CAPZA2: variants seen among roughly 807,000 people sequenced by gnomAD.
CAPZA2 encodes F-actin-capping protein subunit alpha-2.
A neutral mutation model predicts 44.0 loss-of-function variants in CAPZA2; 13 were observed. The observed-to-expected ratio is 0.30, with a 90% CI of 0.19 to 0.47. The LOEUF (loss-of-function observed/expected upper bound fraction) is 0.47, where lower values mean the gene tolerates loss of function less well. CAPZA2 is among the 20% of genes least tolerant of loss of function. CAPZA2 has a pLI of 1.00. For missense variants in CAPZA2, 244 were observed against 338.6 expected (o/e 0.72, Z 2.19); for synonymous variants, 94 against 108.2 (o/e 0.87, Z 0.81).
chr7:116,916,058 A>G lies in CAPZA2; in HGVS notation c.658-2A>G. ...TTTTTATTTTGTTTTTTTTTTTTTC[A>G]GAATGAAGTGCAAACAGCAAAAGAA... On this transcript the variant is annotated splice_acceptor_variant, in intron 8 of 9. Coordinates refer to ENST00000361183, the MANE Select transcript of CAPZA2 (RefSeq NM_006136.3). LOFTEE classifies it high-confidence loss of function. 1 of 1,450,766 alleles carries G rather than the reference A, an allele frequency of 6.9e-7. No individual in the cohort carries two copies. 89.9% of individuals were successfully genotyped at this position (1,450,766 alleles called of 1,614,324 possible). A position where few individuals can be genotyped will look rare whatever the true frequency, so the allele number is the denominator to read the frequency against.
intron 1 of CAPZA2, among the ~76,000 whole-genome samples, chr7:116,871,610 T>C (rs969695116): frequency 1.3e-5 from 2 of 152,278 alleles, no homozygotes; most frequent in Admixed American, 6.5e-5. Flanking sequence ...AAAGTATGTG[T>C]GTATTTTCCC....
At chr7:116,911,669 C>T (rs1455775368) in intron 7 of CAPZA2, among the ~76,000 whole-genome samples, 1 of 152,094 alleles carries the variant, frequency 6.6e-6, no homozygotes, top group African/African-American at 2.4e-5. Flanking sequence ...TTACAGCACT[C>T]ATTCAGTGTT....
At chr7:116,894,678 G>A (rs1796901607) in intron 3 of CAPZA2, among the ~76,000 whole-genome samples, 1 of 151,954 alleles carries the variant, frequency 6.6e-6, no homozygotes, top group Non-Finnish European at 1.5e-5. Context: ...ATACTTGAAA[G>A]CCCCAGGCAA....
intron 6 of CAPZA2, 104 bp from the exon 7 acceptor site, chr7:116,910,129 C>A: frequency 1.4e-6 from 1 of 727,010 alleles, no homozygotes; most frequent in Non-Finnish European, 2.5e-6. Context: ...CAGTATTCAT[C>A]CCCCACACTC....
intron 8 of CAPZA2, among the ~76,000 whole-genome samples, chr7:116,912,682 A>G (rs1049421690): frequency 6.6e-5 from 10 of 152,212 alleles, no homozygotes; most frequent in African/African-American, 2.4e-4. Flanking sequence ...TTATTGCCAA[A>G]TAATACTCTG....
intron 4 of CAPZA2, among the ~76,000 whole-genome samples, chr7:116,901,771 G>T (rs372411865): frequency 6.6e-6 from 1 of 151,524 alleles, no homozygotes; most frequent in Non-Finnish European, 1.5e-5. Context: ...TAAAAGTAAT[G>T]TATGGATTTG....
chr7:116,908,187 A>G (rs895081597), intron 6 of CAPZA2, among the ~76,000 whole-genome samples: 1 of 152,078 alleles, frequency 6.6e-6, no homozygotes, highest in Non-Finnish European at 1.5e-5. Context: ...CTTGAGCCCA[A>G]GAGTTCAAGC....
intron 2 of CAPZA2, among the ~76,000 whole-genome samples, chr7:116,889,502 G>C (rs1320623917): frequency 1.3e-5 from 2 of 151,012 alleles, no homozygotes; most frequent in Non-Finnish European, 2.9e-5. Flanking sequence ...CAGGAGGATT[G>C]CTTGAGGCTG....
intron 1 of CAPZA2, among the ~76,000 whole-genome samples, chr7:116,884,706 G>C (rs1161939841): frequency 6.6e-6 from 1 of 152,098 alleles, no homozygotes; most frequent in Non-Finnish European, 1.5e-5. Context: ...TTCCAGTTTT[G>C]AGCAATTATG....
intron 1 of CAPZA2, among the ~76,000 whole-genome samples, chr7:116,868,458 C>T (rs1370240148): frequency 6.6e-5 from 10 of 152,082 alleles, no homozygotes; most frequent in East Asian, 3.9e-4. Context: ...ATTGGCTGGG[C>T]GCGGTGACTC....
intron 2 of CAPZA2, among the ~76,000 whole-genome samples, chr7:116,891,257 G>A (rs941449980): frequency 6.6e-6 from 1 of 152,036 alleles, no homozygotes; most frequent in African/African-American, 2.4e-5. Flanking sequence ...AATAGATCTT[G>A]TTTTTCAATC....
At chr7:116,874,688 A>G (rs1030144227) in intron 1 of CAPZA2, 2 of 152,268 alleles carry the variant, frequency 1.3e-5, no homozygotes, top group African/African-American at 4.8e-5. Flanking sequence ...AGCAGAAGAC[A>G]GTTTCCTGTG....
At chr7:116,901,210 A>G (rs914012243) in intron 4 of CAPZA2, among the ~76,000 whole-genome samples, 1 of 152,176 alleles carries the variant, frequency 6.6e-6, no homozygotes, top group Non-Finnish European at 1.5e-5. Context: ...ATGCTCACAT[A>G]TGTTCATTAC....
intron 1 of CAPZA2, among the ~76,000 whole-genome samples, chr7:116,863,698 T>C (rs1035887377): frequency 4.6e-5 from 7 of 152,210 alleles, no homozygotes; most frequent in Non-Finnish European, 8.8e-5. Flanking sequence ...ATGAGTTAGT[T>C]GCAGGGTTGG....
intron 8 of CAPZA2, chr7:116,915,831 A>T: frequency 3.5e-6 from 1 of 285,410 alleles, no homozygotes; most frequent in South Asian, 5.7e-5. Context: ...TTGAGATTTC[A>T]CTTTCCTTAG....
chr7:116,882,521 C>G (rs185411965), intron 1 of CAPZA2, among the ~76,000 whole-genome samples: 1 of 151,742 alleles, frequency 6.6e-6, no homozygotes, highest in African/African-American at 2.4e-5. Context: ...AAACAAGATA[C>G]GAAAAAATAT....
intron 5 of CAPZA2, among the ~76,000 whole-genome samples, chr7:116,905,019 G>A (rs1166248506): frequency 6.8e-6 from 1 of 146,852 alleles, no homozygotes; most frequent in Non-Finnish European, 1.5e-5. Flanking sequence ...GCACGTGCCT[G>A]TAGTCCCAGC....
At chr7:116,900,436 G>T (rs1302234548) in intron 4 of CAPZA2, among the ~76,000 whole-genome samples, 1 of 150,084 alleles carries the variant, frequency 6.7e-6, no homozygotes, top group African/African-American at 2.4e-5. Flanking sequence ...ATTAATAAAA[G>T]AATTTGGGGA....
intron 3 of CAPZA2, 39 bp downstream of exon 3, chr7:116,893,084 A>T (rs373146842): frequency 7.5e-7 from 1 of 1,333,284 alleles, no homozygotes; most frequent in Non-Finnish European, 1.0e-6. Context: ...CTAAAATGAC[A>T]TGGGAAAACG....
Sources: allele counts gnomAD v4.1 joint callset (sites outside exome capture counted in the v4.1 genomes callset), GRCh38; gene constraint gnomAD v4.1.1; transcripts MANE v1.5; gene names NCBI Gene and HGNC (gene_info 2026-07-23, HGNC 2026-07-21).